Variants in PRKD2 observed in about 807,000 individuals in gnomAD.
PRKD2 encodes the protein serine/threonine-protein kinase D2.
PRKD2 carries 22 observed loss-of-function variants against 86.0 expected under a neutral mutation model. The ratio of observed to expected loss-of-function variants is 0.26; its 90% CI spans 0.18 to 0.37. The LOEUF is 0.37. Among genes scored for constraint, PRKD2 ranks in the 10% least tolerant of loss-of-function variants. The probability of loss-of-function intolerance (pLI) is 1.00; values close to 1 mark genes in which losing one functional copy is unlikely to be tolerated. For synonymous variants in PRKD2, 509 were observed against 510.9 expected (o/e 1.00, Z 0.05); for missense variants, 818 against 1,199.2 (o/e 0.68, Z 4.70).
intron 10 of PRKD2, among the ~76,000 whole-genome samples, chr19:46,692,888 T>G (rs577791283): frequency 2.6e-5 from 4 of 152,322 alleles, no homozygotes; most frequent in African/African-American, 9.6e-5. Context: ...CAAATGTCAC[T>G]CCTAGGACCA....
intron 7 of PRKD2, among the ~76,000 whole-genome samples, 183 bp from the exon 8 acceptor site, chr19:46,698,033 G>A (rs758155971): frequency 1.5e-4 from 23 of 151,978 alleles, no homozygotes; most frequent in Non-Finnish European, 3.2e-4. Context: ...TAAGAGGCTC[G>A]CTCTGTCACC....
At chr19:46,714,412 G>A (rs1478238610) in intron 1 of PRKD2, 1 of 710,544 alleles carries the variant, frequency 1.4e-6, no homozygotes, top group Non-Finnish European at 1.7e-6. Flanking sequence ...CCAGTTACCT[G>A]GCTCCAGGCC....
In PRKD2 at chr19:46,678,732, A is replaced by C; in HGVS notation, c.2071-69T>G. ...GCACCCACCCCAGCATCCCCACCAC[A>C]CCACCCTCCATGGTATTCCAGAGAA... On this transcript the variant is annotated intron_variant, in intron 15 of 17. Transcript: ENST00000291281. The surrounding 1 kb of genome is among the most constrained non-coding windows in gnomAD (Gnocchi z 5.7). The C allele has an allele frequency of 2.0e-6, 3 of 1,499,364 alleles. No individual in the cohort carries two copies. The highest frequency in any genetic ancestry group is 2.7e-6 in the Non-Finnish European group (3 of 1,111,308). The allele number at this position is 1,499,364 out of a possible 1,614,324, so 92.9% of individuals were successfully genotyped here. A position where few individuals can be genotyped will look rare whatever the true frequency, so the allele number is the denominator to read the frequency against.
intron 3 of PRKD2, 64 bp from the exon 4 acceptor site, chr19:46,704,713 G>C: frequency 6.6e-7 from 1 of 1,526,706 alleles, no homozygotes; most frequent in South Asian, 1.3e-5. Flanking sequence ...TTCTTGAGAA[G>C]TTGTGCCCTT....
chr19:46,705,690 G>A (rs529356190), intron 3 of PRKD2, among the ~76,000 whole-genome samples: 82 of 152,190 alleles, frequency 5.4e-4, no homozygotes, highest in African/African-American at 1.9e-3. Context: ...CGGAGGCTGA[G>A]GCAGGAGAAT....
rs1210905870 is a variant in PRKD2 at position 46,700,788 on chromosome 19, T to A, written c.1121+11A>T. ...CTTCCCCCAGGGTCTCTTGGAGGGT[T>A]CTGTGTATACCTCTGGGCCTTGCCT... On this transcript the variant is annotated intron_variant, in intron 7 of 17. Transcript: ENST00000291281. 6.2e-7 allele frequency: 1 copy of A among 1,610,314 alleles called. No homozygotes were observed.
intron 16 of PRKD2, 44 bp from the exon 17 acceptor site, chr19:46,675,162 T>C: frequency 6.5e-7 from 1 of 1,531,802 alleles, no homozygotes; most frequent in Non-Finnish European, 8.9e-7. Context: ...AGGTCAAGGG[T>C]CACTCCTCCT....
chr19:46,692,518 C>T (rs1243498135), intron 10 of PRKD2, among the ~76,000 whole-genome samples: 2 of 149,822 alleles, frequency 1.3e-5, no homozygotes, highest in Non-Finnish European at 3.0e-5. Flanking sequence ...CTTCCCTGGT[C>T]TCCTTGCCCC....
intron 2 of PRKD2, 46 bp downstream of exon 2, chr19:46,713,817 C>T: frequency 2.3e-6 from 3 of 1,325,302 alleles, no homozygotes; most frequent in Non-Finnish European, 2.0e-6. Flanking sequence ...CCAGATGCCC[C>T]GCCCCCACCC....
At chr19:46,691,292 C>T (rs1044336160) in intron 12 of PRKD2, among the ~76,000 whole-genome samples, 1 of 152,086 alleles carries the variant, frequency 6.6e-6, no homozygotes, top group African/African-American at 2.4e-5. Flanking sequence ...ATCTACCCTC[C>T]TATTCAATCA....
intron 7 of PRKD2, among the ~76,000 whole-genome samples, chr19:46,700,101 G>GGT (rs34424159): frequency 0.78 from 118,178 of 151,524 alleles, 46,836 homozygotes; most frequent in African/African-American, 0.93. Flanking sequence ...AGCTGGGCCT[G>GGT]GGCGGGTGCC....
chr19:46,703,958 A>AACAACACACACAC lies in PRKD2; in HGVS notation c.889+210_889+211insGTGTGTGTGTTGT, dbSNP rs1555830816. Among the ~76,000 whole-genome samples, 460 of 133,722 alleles carry AACAACACACACAC rather than the reference A, an allele frequency of 3.4e-3. 4 individuals are homozygous for AACAACACACACAC. The highest frequency in any genetic ancestry group is 5.1e-3 in the African/African-American group (175 of 34,304). 87.7% of individuals were successfully genotyped at this position (133,722 alleles called of 152,430 possible). On this transcript the variant is annotated intron_variant, in intron 5 of 17. Coordinates refer to ENST00000291281, the MANE Select transcript of PRKD2 (RefSeq NM_016457.5). ...CACCCTGTCTCCAAAAAACAACAAC[A>AACAACACACACAC]ACACACACACACACACACACACACA...
rs762149643 is a variant in PRKD2 at position 46,697,762 on chromosome 19, C to T, written c.1210G>A (p.Val404Met). 1.9e-6 allele frequency: 3 copies of T among 1,614,126 alleles called. No homozygotes were observed. Among genetic ancestry groups the T allele is most frequent in the South Asian group, 1.1e-5 (1 of 91,086 alleles). The change falls in exon 8 of 18, where the codon GTG becomes ATG. Residue 404 changes from valine (V) to methionine (M), a missense_variant. Physicochemically the swap from Val to Met is conservative, Grantham distance 21. Transcript: ENST00000291281. Reference protein sequence around the residue: ...KSSTTLREGWVVHYSNKDTLR... With the variant: ...KSSTTLREGWMVHYSNKDTLR... ...GTGTCCTTGTTGCTGTAATGAACCA[C>T]CCAACCCTCCCGCAGCGTGGTGCTG... is the stretch of plus-strand genomic sequence containing the variant.
At position 46,687,894 on chromosome 19, in the gene PRKD2, G is replaced by A. The variant is rs137879747; in HGVS notation, c.1971+1643C>T. Among the ~76,000 whole-genome samples the A allele has an allele frequency of 2.9e-4, 44 of 152,154 alleles. 1 individual carries two copies. In the East Asian group the frequency reaches 8.3e-3, roughly 29 times the overall value. On this transcript the variant is annotated intron_variant, in intron 14 of 17. Coordinates refer to ENST00000291281, the MANE Select transcript of PRKD2 (RefSeq NM_016457.5). Reference sequence around the variant, plus strand: ...TTTCTATTGTTTGGTTTTGAGACACGGTCTCGCTCTGTCACCCAGGCTGGA... The same window carrying A: ...TTTCTATTGTTTGGTTTTGAGACACAGTCTCGCTCTGTCACCCAGGCTGGA...
At chr19:46,694,842 C>T (rs1456312852) in intron 9 of PRKD2, among the ~76,000 whole-genome samples, 2 of 151,658 alleles carry the variant, frequency 1.3e-5, no homozygotes, top group Non-Finnish European at 2.9e-5. Context: ...TTTGGGAGGC[C>T]GAGGTGGGCA....
At chr19:46,690,937 A>G (rs1470259663) in intron 12 of PRKD2, among the ~76,000 whole-genome samples, 1 of 152,206 alleles carries the variant, frequency 6.6e-6, no homozygotes, top group Non-Finnish European at 1.5e-5. Flanking sequence ...AAGGGAATGT[A>G]TAACATGGGA....
At chr19:46,712,671 T>G (rs1479723278) in intron 2 of PRKD2, among the ~76,000 whole-genome samples, 1 of 152,212 alleles carries the variant, frequency 6.6e-6, no homozygotes, top group African/African-American at 2.4e-5. Context: ...CTGAACAAGG[T>G]CACTAAAGGT....
intron 13 of PRKD2, 121 bp downstream of exon 13, chr19:46,690,479 C>G (rs2122653676): frequency 1.2e-6 from 1 of 800,958 alleles, no homozygotes; most frequent in African/African-American, 1.7e-5. Context: ...AGAACACCTT[C>G]TCCCCTTCAG....
At chr19:46,698,613 C>T (rs2053594094) in intron 7 of PRKD2, among the ~76,000 whole-genome samples, 1 of 152,194 alleles carries the variant, frequency 6.6e-6, no homozygotes, top group Non-Finnish European at 1.5e-5. Context: ...TGGGCCTCAC[C>T]TCCCTCATTT....
Sources: allele counts gnomAD v4.1 joint callset (sites outside exome capture counted in the v4.1 genomes callset), GRCh38; gene constraint gnomAD v4.1.1; non-coding constraint Gnocchi (gnomAD v3.1); transcripts MANE v1.5; gene names NCBI Gene and HGNC (gene_info 2026-07-23, HGNC 2026-07-21).